Variants in SYNE1 observed in about 807,000 individuals in gnomAD.
The protein encoded by SYNE1 is spectrin repeat containing nuclear envelope protein 1.
Under a neutral mutation model 1,111.0 loss-of-function variants are expected in SYNE1, and 616 were observed. That is an observed-to-expected ratio of 0.55 (90% CI 0.52 to 0.59). SYNE1 has a LOEUF of 0.59. SYNE1 is among the 20% of genes least tolerant of loss of function. The probability of loss-of-function intolerance (pLI) is 0.00; values close to 1 mark genes in which losing one functional copy is unlikely to be tolerated. For synonymous variants in SYNE1, 3,855 were observed against 3,825.8 expected (o/e 1.01, Z -0.28); for missense variants, 10,006 against 10,417.0 (o/e 0.96, Z 1.72).
chr6:152,237,529 G>T (rs530158544), intron 108 of SYNE1, among the ~76,000 whole-genome samples: 23 of 151,084 alleles, frequency 1.5e-4, no homozygotes, highest in Middle Eastern at 3.2e-3. Context: ...TGTCCAGCCT[G>T]GTCTCAAACT....
Position 152,404,278 on chromosome 6 carries a change from G to A in SYNE1, c.6760C>T (p.Leu2254=), listed in dbSNP as rs772518128. The change falls in exon 46 of 146, where the codon CTG becomes TTG. Residue 2254 remains leucine, a synonymous_variant. Coordinates refer to ENST00000367255, the MANE Select transcript of SYNE1 (RefSeq NM_182961.4). ...TTCAGATCATTAACTTTGGAATGCA[G>A]TTCTTCCAATCTCAATGCTTTGTTT... The part of the protein sequence containing the change: ...VKNKALRLEE[L]HSKVNDLKEL... 5 of 1,612,816 alleles carry A rather than the reference G, an allele frequency of 3.1e-6. No homozygotes were observed. In the South Asian group the frequency reaches 3.3e-5, roughly 11 times the overall value.
rs202207841 is a variant in SYNE1, at chr6:152,409,086, G to A, written c.6522C>T (p.Thr2174=). ...ATCTTACATCCAGCCATTTGTCCAC[G>A]GTGCTCTCCATGTCTGTTTTCACCA... is the stretch of plus-strand genomic sequence containing the variant. ...FSLVKTDMES[T]VDKWLDVSEK... is the part of the protein sequence containing the mutation. The change falls in exon 44 of 146, where the codon ACC becomes ACT. Residue 2174 remains threonine (T), a synonymous_variant. Transcript: ENST00000367255. 2.0e-5 allele frequency: 32 copies of A among 1,613,976 alleles called. No individual in the cohort carries two copies. The highest frequency in any genetic ancestry group is 3.3e-5 in the South Asian group (3 of 91,066).
chr6:152,313,474 T>C (rs941326271), intron 87 of SYNE1, among the ~76,000 whole-genome samples: 2 of 151,486 alleles, frequency 1.3e-5, no homozygotes, highest in African/African-American at 4.8e-5. Context: ...CTTTTTTTTT[T>C]TTTTTTTGAA....
chr6:152,555,121 T>C (rs1247690288), intron 3 of SYNE1, among the ~76,000 whole-genome samples: 3 of 152,184 alleles, frequency 2.0e-5, no homozygotes, highest in Non-Finnish European at 4.4e-5. Flanking sequence ...AGAAGTAAAA[T>C]AGAGACTCTT....
chr6:152,213,807 TTA>T (rs2078011960), intron 122 of SYNE1, 48 bp from the exon 123 acceptor site: 5 of 1,611,766 alleles, frequency 3.1e-6, no homozygotes, highest in Non-Finnish European at 4.2e-6. Flanking sequence ...CTGCTTATTC[TTA>T]CTTCTCTAGC....
At chr6:152,239,369 A>G (rs1015111959) in intron 108 of SYNE1, among the ~76,000 whole-genome samples, 164 bp downstream of exon 108, 33 of 152,212 alleles carry the variant, frequency 2.2e-4, no homozygotes, top group African/African-American at 7.7e-4. Flanking sequence ...CACAGGGGGA[A>G]TAAGCAACAC....
chr6:152,419,382 C>G (rs946135264), intron 40 of SYNE1, among the ~76,000 whole-genome samples, 187 bp downstream of exon 40: 1 of 152,158 alleles, frequency 6.6e-6, no homozygotes, highest in Non-Finnish European at 1.5e-5. Flanking sequence ...GTGGCTTTAT[C>G]TGCTTAATTG....
chr6:152,532,201 T>G (rs1477506225), intron 4 of SYNE1, among the ~76,000 whole-genome samples: 1 of 152,172 alleles, frequency 6.6e-6, no homozygotes, highest in Non-Finnish European at 1.5e-5. Flanking sequence ...GAATCCGTAT[T>G]GACCAATATC....
At chr6:152,586,059 A>G (rs957780475) in intron 3 of SYNE1, among the ~76,000 whole-genome samples, 5 of 152,126 alleles carry the variant, frequency 3.3e-5, no homozygotes. Context: ...ATGTGGGCCT[A>G]TTTTGAACTA....
chr6:152,619,743 G>A (rs1440909666), intron 3 of SYNE1, among the ~76,000 whole-genome samples: 1 of 151,374 alleles, frequency 6.6e-6, no homozygotes. Context: ...TGACACACAA[G>A]TGTCCAAGAT....
At position 152,406,994 on chromosome 6, in the gene SYNE1, T is replaced by C. The variant is rs376704685; in HGVS notation, c.6723+20A>G. On this transcript the variant is annotated intron_variant, in intron 45 of 145. Coordinates refer to ENST00000367255, the MANE Select transcript of SYNE1 (RefSeq NM_182961.4). ...CAACAATATGCCACCAGCTGCCATA[T>C]GTCAACACAGTCAATTTACCTCAAA... 4.3e-6 allele frequency: 7 copies of C among 1,612,580 alleles called. No individual in the cohort carries two copies. Among genetic ancestry groups the C allele is most frequent in the Middle Eastern group, 1.7e-4 (1 of 5,946 alleles).
chr6:152,536,376 TA>T (rs1261899479), intron 4 of SYNE1, among the ~76,000 whole-genome samples: 5 of 87,246 alleles, frequency 5.7e-5, no homozygotes, highest in Admixed American at 2.1e-4. Context: ...ATATATATAG[TA>T]ATATATATAT....
Position 152,325,366 on chromosome 6 carries a change from G to A in SYNE1, c.15439-64C>T. On this transcript the variant is annotated intron_variant, in intron 80 of 145. Coordinates refer to ENST00000367255, the MANE Select transcript of SYNE1 (RefSeq NM_182961.4). The stretch of plus-strand genomic sequence containing the variant: ...GGAGAGATCAATTTAATTTTATAAA[G>A]TTCTATGGATCTTGGTAAAGCCCAA... The A allele has an allele frequency of 1.9e-6, 3 of 1,546,234 alleles. No individual in the cohort carries two copies. In the South Asian group the frequency reaches 3.4e-5, roughly 17 times the overall value.
At chr6:152,474,275 A>T (rs1227976212) in intron 14 of SYNE1, among the ~76,000 whole-genome samples, 1 of 152,166 alleles carries the variant, frequency 6.6e-6, no homozygotes, top group African/African-American at 2.4e-5. Flanking sequence ...GCTGGGCAAA[A>T]TATATGATTT....
rs2096241217 is a variant in SYNE1, at chr6:152,331,224, A to T, written c.13461T>A (p.Asp4487Glu). 1.2e-6 allele frequency: 2 copies of T among 1,614,040 alleles called. No individual in the cohort carries two copies. The highest frequency in any genetic ancestry group is 1.7e-6 in the Non-Finnish European group (2 of 1,180,032). ...ATGTTTTGACTTGTTTGCTCACATC[A>T]TCTGGTAACAGACAGATGTGTTCAC... ...MFREHICLLP[D>E]DVSKQVKTCK... The change falls in exon 78 of 146, where the codon GAT becomes GAA. Residue 4487 changes from aspartate to glutamate, a missense_variant. This residue lies in a region of SYNE1 where 4,955 missense variants were observed against 5,017.2 expected (regional missense o/e 0.99). Transcript: ENST00000367255.
intron 77 of SYNE1, 27 bp from the exon 78 acceptor site, chr6:152,331,917 G>T: frequency 6.2e-7 from 1 of 1,606,030 alleles, no homozygotes; most frequent in South Asian, 1.1e-5. Flanking sequence ...AGGTATAAGA[G>T]CAAATTAGCT....
chr6:152,377,715 TAC>T (rs1188845994), intron 56 of SYNE1, among the ~76,000 whole-genome samples: 1 of 144,740 alleles, frequency 6.9e-6, no homozygotes, highest in Non-Finnish European at 1.5e-5. Flanking sequence ...ATGTTGTATA[TAC>T]AGTTAACTTT....
At position 152,284,115 on chromosome 6, in the gene SYNE1, G is replaced by A. The variant is rs1488026302; in HGVS notation, c.18070C>T (p.Leu6024Phe). Reference sequence around the variant, plus strand: ...GACTCGGATACCAGCTCCTCTGCGAGAGAGGACTGGAGCTCATTGATTTCA... The same window carrying A: ...GACTCGGATACCAGCTCCTCTGCGAAAGAGGACTGGAGCTCATTGATTTCA... ...QDEINELQSS[L>F]AEELVSESCE... Residue 6024 changes from leucine (L) to phenylalanine (F), a missense_variant, in exon 96 of 146, where the codon CTC (leucine) becomes TTC (phenylalanine). Coordinates refer to ENST00000367255, the MANE Select transcript of SYNE1 (RefSeq NM_182961.4). 1 of 1,614,160 alleles carries A rather than the reference G, an allele frequency of 6.2e-7. No individual in the cohort carries two copies. The highest frequency in any genetic ancestry group is 1.1e-5 in the South Asian group (1 of 91,086).
Position 152,367,329 on chromosome 6 carries a change from AAG to A in SYNE1, c.9859_9860del (p.Leu3287TrpfsTer3). ...RIVAEHNQFS[L>X]GIKELQDWMT... ...TCCAGTCTTGTAATTCTTTAATCCC[AAG>A]AGAGAACTGATTGTGTTCTGCAACG... On this transcript the variant is annotated frameshift_variant, in exon 62 of 146. Transcript: ENST00000367255. LOFTEE classifies it high-confidence loss of function. 2 of 1,614,196 alleles carry A rather than the reference AAG, an allele frequency of 1.2e-6. No homozygotes were observed. Among genetic ancestry groups the A allele is most frequent in the Non-Finnish European group, 1.7e-6 (2 of 1,180,022 alleles).
Sources: allele counts gnomAD v4.1 joint callset (sites outside exome capture counted in the v4.1 genomes callset), GRCh38; gene constraint gnomAD v4.1.1; regional missense constraint gnomAD v4.1.1; transcripts MANE v1.5; gene names NCBI Gene and HGNC (gene_info 2026-07-23, HGNC 2026-07-21).